The following ZNF644 variants were observed in gnomAD, a reference collection of about 807,000 sequenced individuals.
ZNF644 encodes the protein zinc finger protein 644.
ZNF644 carries 20 observed loss-of-function variants against 108.0 expected under a neutral mutation model. The ratio of observed to expected loss-of-function variants is 0.19; its 90% CI spans 0.13 to 0.27. The LOEUF (loss-of-function observed/expected upper bound fraction) is 0.27, where lower values mean the gene tolerates loss of function less well. ZNF644 is among the 10% of genes least tolerant of loss of function. The pLI, the probability that ZNF644 is intolerant of heterozygous loss-of-function variation, is 1.00. For synonymous variants in ZNF644, 542 were observed against 539.1 expected, an observed-to-expected ratio of 1.01 and a Z score of -0.08; for missense variants, 1,338 against 1,548.9, an observed-to-expected ratio of 0.86 and a Z score of 2.29.
chr1:90,937,308 T>C (rs1651425256), intron 4 of ZNF644, among the ~76,000 whole-genome samples, 177 bp downstream of exon 4: 3 of 151,832 alleles, frequency 2.0e-5, no homozygotes, highest in African/African-American at 7.3e-5. Context: ...CTAATGAGCA[T>C]CAATTGATGA....
At chr1:90,993,415 C>A (rs1657828761) in intron 1 of ZNF644, among the ~76,000 whole-genome samples, 1 of 151,960 alleles carries the variant, frequency 6.6e-6, no homozygotes, top group Non-Finnish European at 1.5e-5. Flanking sequence ...AATGCAGATT[C>A]ATAAATGAGC....
chr1:90,987,791 A>G (rs1467053707), intron 1 of ZNF644, among the ~76,000 whole-genome samples: 3 of 152,168 alleles, frequency 2.0e-5, no homozygotes, highest in Non-Finnish European at 4.4e-5. Context: ...ACAAAATAGG[A>G]GCAAAACAAA....
chr1:91,002,545 C>T (rs1416603081), intron 1 of ZNF644, among the ~76,000 whole-genome samples: 4 of 152,198 alleles, frequency 2.6e-5, no homozygotes, highest in Non-Finnish European at 5.9e-5. Flanking sequence ...GGATTAAACA[C>T]TTACATGTTA....
rs551289777 is a variant in ZNF644, at chr1:90,954,160, C to T, written c.45-12851G>A. On this transcript the variant is annotated intron_variant, in intron 2 of 5. Coordinates refer to ENST00000337393, the MANE Select transcript of ZNF644 (RefSeq NM_201269.3). ...TCATGAAAGATTTCTCTGTAACGTG[C>T]AATGATGTTGATAGCATCTTACCCA... is the stretch of plus-strand genomic sequence containing the variant. Among the ~76,000 whole-genome samples, 3 of 152,208 alleles carry T rather than the reference C, an allele frequency of 2.0e-5. No individual in the cohort carries two copies. The South Asian group carries it at 6.2e-4, about 32-fold the overall frequency.
At chr1:91,012,716 T>C (rs533982746) in intron 1 of ZNF644, among the ~76,000 whole-genome samples, 1 of 152,258 alleles carries the variant, frequency 6.6e-6, no homozygotes, top group Non-Finnish European at 1.5e-5. Flanking sequence ...GTGCTTTTTT[T>C]ACATCCTCTT....
intron 4 of ZNF644, among the ~76,000 whole-genome samples, chr1:90,933,135 A>T (rs1239438189): frequency 6.6e-6 from 1 of 152,208 alleles, no homozygotes; most frequent in African/African-American, 2.4e-5. Flanking sequence ...TAAGTAATTA[A>T]TCCTGTGTTT....
In ZNF644 at chr1:90,939,156, T is replaced by C. The variant is rs1414499922; in HGVS notation, c.2198A>G (p.Lys733Arg). 1.2e-6 allele frequency: 2 copies of C among 1,613,706 alleles called. No individual in the cohort carries two copies. The highest frequency in any genetic ancestry group is 1.7e-5 in the Admixed American group (1 of 59,984). Residue 733 changes from lysine (K) to arginine (R), a missense_variant, in exon 3 of 6, where the codon AAG (lysine) becomes AGG (arginine). By Grantham distance (26) the Lys-to-Arg change is conservative. This residue lies in a region of ZNF644 where 462 missense variants were observed against 472.6 expected (regional missense o/e 0.98). Transcript: ENST00000337393. The stretch of plus-strand genomic sequence containing the variant: ...TCTATACAAATAGTGGCTATTTGCC[T>C]TGGCATTAGACTTTTCTTTTGCTGC... ...HQAAKEKSNA[K>R]ANSHYLYRHK... is the part of the protein sequence containing the mutation.
In ZNF644 at chr1:91,007,220, ATTTTGTTT is replaced by A. The variant is rs1659523634; in HGVS notation, c.-18+14762_-18+14769del. Among the ~76,000 whole-genome samples, 6 of 30,276 alleles carry A rather than the reference ATTTTGTTT, an allele frequency of 2.0e-4. No homozygotes were observed. In the South Asian group the frequency reaches 4.5e-3, roughly 23 times the overall value. 19.9% of individuals were successfully genotyped at this position (30,276 alleles called of 152,430 possible). On this transcript the variant is annotated intron_variant, in intron 1 of 5. Transcript: ENST00000337393. ...TTCTTAATTTCTTCCATTTTCTCCC[ATTTTGTTT>A]TTTTTTTTTTTTTTTTTTTTTTTTT...
intron 2 of ZNF644, among the ~76,000 whole-genome samples, chr1:90,971,139 A>G (rs1234106860): frequency 2.0e-5 from 3 of 152,062 alleles, no homozygotes; most frequent in African/African-American, 7.2e-5. Flanking sequence ...CAAACAAAAT[A>G]CTAGCAAACA....
chr1:91,021,447 G>A (rs911520032), intron 1 of ZNF644: 3 of 152,274 alleles, frequency 2.0e-5, no homozygotes, highest in African/African-American at 7.2e-5. Flanking sequence ...GACTGCTCTC[G>A]GCCCGCCCCG....
At chr1:90,937,058 A>G (rs1265257438) in intron 4 of ZNF644, among the ~76,000 whole-genome samples, 1 of 152,170 alleles carries the variant, frequency 6.6e-6, no homozygotes, top group African/African-American at 2.4e-5. Flanking sequence ...CAACAGCTAA[A>G]TCTTGAAAAC....
chr1:90,999,675 T>C (rs545187544), intron 1 of ZNF644, among the ~76,000 whole-genome samples: 4 of 152,246 alleles, frequency 2.6e-5, no homozygotes, highest in African/African-American at 9.6e-5. Context: ...AGGCTCAAAC[T>C]CGCACATAAC....
At chr1:90,948,138 CACA>C (rs1409223618) in intron 2 of ZNF644, among the ~76,000 whole-genome samples, 6 of 152,124 alleles carry the variant, frequency 3.9e-5, no homozygotes, top group South Asian at 2.1e-4. Context: ...CTATAAATTT[CACA>C]ACAATTATCA....
At chr1:90,998,028 T>G (rs1570542193) in intron 1 of ZNF644, among the ~76,000 whole-genome samples, 1 of 151,928 alleles carries the variant, frequency 6.6e-6, no homozygotes, top group Non-Finnish European at 1.5e-5. Flanking sequence ...GAGGCTTGAG[T>G]AGGTAAACAA....
chr1:90,989,658 C>T (rs973735177), intron 1 of ZNF644, among the ~76,000 whole-genome samples: 1 of 152,126 alleles, frequency 6.6e-6, no homozygotes, highest in African/African-American at 2.4e-5. Context: ...TTTAAAAACC[C>T]AGGAAATAAC....
chr1:91,006,690 A>G (rs1227602025), intron 1 of ZNF644, among the ~76,000 whole-genome samples: 3 of 152,008 alleles, frequency 2.0e-5, no homozygotes, highest in Non-Finnish European at 4.4e-5. Context: ...AGCTGAACTG[A>G]TTACTCTTCA....
intron 4 of ZNF644, among the ~76,000 whole-genome samples, chr1:90,931,827 AAG>A (rs1276771004): frequency 6.6e-6 from 1 of 152,150 alleles, no homozygotes; most frequent in Non-Finnish European, 1.5e-5. Context: ...TTAAAAAAAA[AAG>A]AACTTCTTAA....
chr1:91,005,757 T>C (rs356351), intron 1 of ZNF644, among the ~76,000 whole-genome samples: 20,612 of 151,836 alleles, frequency 0.14, 1,444 homozygotes, highest in South Asian at 0.16. Flanking sequence ...CTAAAACTTA[T>C]GGGATGAAGT....
intron 1 of ZNF644, among the ~76,000 whole-genome samples, chr1:90,997,570 G>C (rs1261787409): frequency 6.6e-6 from 1 of 152,022 alleles, no homozygotes; most frequent in Non-Finnish European, 1.5e-5. Flanking sequence ...AAAAAGGGGA[G>C]GGGGGCGGTT....
Sources: allele counts gnomAD v4.1 joint callset (sites outside exome capture counted in the v4.1 genomes callset), GRCh38; gene constraint gnomAD v4.1.1; regional missense constraint gnomAD v4.1.1; transcripts MANE v1.5; gene names NCBI Gene and HGNC (gene_info 2026-07-23, HGNC 2026-07-21).